The following ROBO3 variants were observed in gnomAD, a reference collection of about 807,000 sequenced individuals.
ROBO3 encodes roundabout homolog 3.
In ROBO3, 97 loss-of-function variants were observed where a neutral mutation model predicts 160.5. The observed-to-expected ratio is 0.60, with a 90% CI of 0.51 to 0.72. ROBO3 has a LOEUF of 0.72. Among genes scored for constraint, ROBO3 ranks in the 30% least tolerant of loss-of-function variants. The probability of loss-of-function intolerance (pLI) is 0.00; values close to 1 mark genes in which losing one functional copy is unlikely to be tolerated. For synonymous variants in ROBO3, 780 were observed against 746.2 expected, an observed-to-expected ratio of 1.05 and a Z score of -0.74; for missense variants, 1,858 against 1,846.5, an observed-to-expected ratio of 1.01 and a Z score of -0.11.
rs777311818 is a variant in ROBO3, at chr11:124,873,392, G to T, written c.1618+1G>T. ...TGGAGCGGCTGGCTTAAGATGCGGG[G>T]TGAGTTTTTTCTTTCTTCCCTTATT... On this transcript the variant is annotated splice_donor_variant, in intron 10 of 27. Transcript: ENST00000397801. LOFTEE classifies it high-confidence loss of function. This position sits in a 1 kb window ranked among gnomAD's most constrained non-coding sequence, Gnocchi z 4.5. The T allele has an allele frequency of 1.9e-6, 3 of 1,610,326 alleles. No individual in the cohort carries two copies. The highest frequency in any genetic ancestry group is 1.1e-5 in the South Asian group (1 of 89,976).
chr11:124,879,070 C>A (rs748753395), intron 23 of ROBO3, 120 bp from the exon 24 acceptor site: 3 of 1,206,608 alleles, frequency 2.5e-6, no homozygotes, highest in East Asian at 5.1e-5. Context: ...GGAGGACTTA[C>A]GGGCGGACGG....
Position 124,878,175 on chromosome 11 carries a change from T to C in ROBO3, c.3181+44T>C. ...AAACCCCGTTTAGCCCTGACCAGGG[T>C]ATCCCCAAAGAGGATCCTCCTCCCT... On this transcript the variant is annotated intron_variant, in intron 21 of 27. Coordinates refer to ENST00000397801, the MANE Select transcript of ROBO3 (RefSeq NM_022370.4). This position sits in a 1 kb window ranked among gnomAD's most constrained non-coding sequence, Gnocchi z 4.3. The C allele has an allele frequency of 1.3e-6, 2 of 1,572,410 alleles. No individual in the cohort carries two copies. The highest frequency in any genetic ancestry group is 2.3e-5 in the East Asian group (1 of 43,808).
In ROBO3 at chr11:124,876,097, G is replaced by A. The variant is rs779045136; in HGVS notation, c.2565G>A (p.Val855=). Residue 855 remains valine (V), a synonymous_variant, in exon 16 of 28, where the codon GTG becomes GTA. Transcript: ENST00000397801. The surrounding 1 kb of genome is among the most constrained non-coding windows in gnomAD (Gnocchi z 5.3). ...CGGCCACCAGCGCAGGCGTGGGCGT[G>A]CCCAGTGCCCCAGTGCTGGTGCAGC... is the stretch of plus-strand genomic sequence containing the variant. ...VAAATSAGVG[V]PSAPVLVQLP... 5 of 1,606,774 alleles carry A rather than the reference G, an allele frequency of 3.1e-6. No individual in the cohort carries two copies. Among genetic ancestry groups the A allele is most frequent in the Non-Finnish European group, 4.2e-6 (5 of 1,179,176 alleles).
intron 12 of ROBO3, 73 bp downstream of exon 12, chr11:124,874,309 G>A: frequency 7.2e-7 from 1 of 1,390,714 alleles, no homozygotes; most frequent in Non-Finnish European, 9.8e-7. Flanking sequence ...CCAAAACCAT[G>A]ACACCACGGC....
At position 124,878,091 on chromosome 11, in the gene ROBO3, G is replaced by A. The variant is rs748929452; in HGVS notation, c.3141G>A (p.Trp1047Ter). The A allele has an allele frequency of 6.2e-7, 1 of 1,611,738 alleles. No homozygotes were observed. The highest frequency in any genetic ancestry group is 1.1e-5 in the South Asian group (1 of 90,756). ...PQHPSGDLGP[W>*]SQYAPPEWSQ... is the part of the protein sequence containing the mutation. ...ATCCCTCAGGAGATCTGGGTCCCTGGAGCCAGTACGCTCCTCCAGAGTGGA... is the reference window on the plus strand; with the variant it reads ...ATCCCTCAGGAGATCTGGGTCCCTGAAGCCAGTACGCTCCTCCAGAGTGGA... The change falls in exon 21 of 28, where the codon TGG becomes TGA. Residue 1047 changes from tryptophan to a stop codon, truncating the protein, a stop_gained. Transcript: ENST00000397801. LOFTEE classifies it high-confidence loss of function. The surrounding 1 kb of genome is among the most constrained non-coding windows in gnomAD (Gnocchi z 4.3).
chr11:124,868,715 G>A, intron 1 of ROBO3, 87 bp from the exon 2 acceptor site: 1 of 1,328,882 alleles, frequency 7.5e-7, no homozygotes, highest in Non-Finnish European at 1.1e-6. Context: ...GAGATGGAAC[G>A]ACCAGAGGAT....
rs1368707659 is a variant in ROBO3, at chr11:124,869,543, C to T, written c.581C>T (p.Pro194Leu). Reference sequence around the variant, plus strand: ...GAATGCGTGCCCCCCCGCGGCCACCCGGAGCCTTCCGTGTCCTGGAGGAAG... The same window carrying T: ...GAATGCGTGCCCCCCCGCGGCCACCTGGAGCCTTCCGTGTCCTGGAGGAAG... ...VLECVPPRGHPEPSVSWRKDG... is the reference protein window; with the variant it reads ...VLECVPPRGHLEPSVSWRKDG... The change falls in exon 3 of 28, where the codon CCG becomes CTG. Residue 194 changes from proline (P) to leucine (L), a missense_variant. Transcript: ENST00000397801. This position sits in a 1 kb window ranked among gnomAD's most constrained non-coding sequence, Gnocchi z 4.2. 4 of 1,565,722 alleles carry T rather than the reference C, an allele frequency of 2.6e-6. No homozygotes were observed. The highest frequency in any genetic ancestry group is 3.5e-6 in the Non-Finnish European group (4 of 1,155,238).
At chr11:124,874,942 G>C in intron 13 of ROBO3, 33 bp downstream of exon 13, 1 of 1,593,852 alleles carries the variant, frequency 6.3e-7, no homozygotes, top group Non-Finnish European at 8.6e-7. Flanking sequence ...ATTCAGGGTG[G>C]GGATGATTAT....
intron 23 of ROBO3, 113 bp from the exon 24 acceptor site, chr11:124,879,077 A>G: frequency 7.9e-7 from 1 of 1,263,202 alleles, no homozygotes; most frequent in South Asian, 1.5e-5. Context: ...TTACGGGCGG[A>G]CGGGTTGTGT....
At position 124,876,366 on chromosome 11, in the gene ROBO3, G is replaced by C; in HGVS notation, c.2685G>C (p.Ala895=). The C allele has an allele frequency of 7.0e-7, 1 of 1,436,270 alleles. No homozygotes were observed. Among genetic ancestry groups the C allele is most frequent in the Non-Finnish European group, 9.1e-7 (1 of 1,103,506 alleles). The allele number at this position is 1,436,270 out of a possible 1,614,324, so 89.0% of individuals were successfully genotyped here. ...TGCTGCGGGAGCCCGCCTTCCTCGC[G>C]GGCAGCGGCGCAGCCTGCGGGGCGC... ...ARVLREPAFL[A]GSGAACGALL... The change falls in exon 17 of 28, where the codon GCG becomes GCC. Residue 895 remains alanine (A), a synonymous_variant. Transcript: ENST00000397801. The surrounding 1 kb of genome is among the most constrained non-coding windows in gnomAD (Gnocchi z 5.3).
chr11:124,865,678 A>G lies in ROBO3; in HGVS notation c.101A>G (p.Asn34Ser), dbSNP rs1415333906. The change falls in exon 1 of 28, where the codon AAC becomes AGC. Residue 34 changes from asparagine to serine, a missense_variant. Coordinates refer to ENST00000397801, the MANE Select transcript of ROBO3 (RefSeq NM_022370.4). This position sits in a 1 kb window ranked among gnomAD's most constrained non-coding sequence, Gnocchi z 5.5. ...SNSSELLLGF[N>S]SSLAALNHTL... is the part of the protein sequence containing the mutation. ...TCCAGCGAGCTGCTCTTGGGCTTCA[A>G]CTCCTCGCTGGCGGCGCTCAACCAC... 2.5e-6 allele frequency: 4 copies of G among 1,611,960 alleles called. No individual in the cohort carries two copies. Among genetic ancestry groups the G allele is most frequent in the Admixed American group, 1.7e-5 (1 of 59,822 alleles).
intron 19 of ROBO3, 87 bp downstream of exon 19, chr11:124,877,396 C>T: frequency 3.2e-6 from 5 of 1,583,114 alleles, no homozygotes; most frequent in South Asian, 1.1e-5. Context: ...GTGGAGGGAG[C>T]ATGGCCACCT....
At chr11:124,870,834 G>A (rs1031945634) in intron 6 of ROBO3, 106 bp downstream of exon 6, 2 of 1,540,048 alleles carry the variant, frequency 1.3e-6, no homozygotes, top group African/African-American at 2.7e-5. Context: ...GCATGTGGAT[G>A]GAACACCTGA....
chr11:124,879,469 A>G lies in ROBO3; in HGVS notation c.3690A>G (p.Arg1230=), dbSNP rs1946501644. The change falls in exon 25 of 28, where the codon AGA becomes AGG. Residue 1230 remains arginine (R), a synonymous_variant. Coordinates refer to ENST00000397801, the MANE Select transcript of ROBO3 (RefSeq NM_022370.4). The part of the protein sequence containing the change: ...APSTASSAPG[R]TWQGNGEMTP... ...TCCCGTCTCCTAACACTGCAGGCAG[A>G]ACCTGGCAGGGGAATGGGGAGATGA... 1.2e-6 allele frequency: 2 copies of G among 1,613,798 alleles called. No homozygotes were observed. Among genetic ancestry groups the G allele is most frequent in the East Asian group, 4.5e-5 (2 of 44,868 alleles).
In ROBO3 at chr11:124,880,557, T is replaced by TCAGGGCCGGAGC; in HGVS notation, c.4099_4100insAGGGCCGGAGCC (p.Ser1366_Arg1367insGlnGlyArgSer). ...CCCGGGGCCCTGGCCGGAGCCGGAG[T>TCAGGGCCGGAGC]CGGAGTCAGAGCCGGAGCCAGAGCC... On this transcript the variant is annotated inframe_insertion, in exon 27 of 28. Transcript: ENST00000397801. 1.2e-6 allele frequency: 1 copy of TCAGGGCCGGAGC among 800,134 alleles called. No individual in the cohort carries two copies. The highest frequency in any genetic ancestry group is 3.2e-5 in the South Asian group (1 of 31,242). 49.6% of individuals were successfully genotyped at this position (800,134 alleles called of 1,614,324 possible). A position where few individuals can be genotyped will look rare whatever the true frequency, so the allele number is the denominator to read the frequency against.
chr11:124,873,050 G>C lies in ROBO3; in HGVS notation c.1497G>C (p.Lys499Asn), dbSNP rs368125569. The C allele has an allele frequency of 6.2e-7, 1 of 1,613,852 alleles. No individual in the cohort carries two copies. Among genetic ancestry groups the C allele is most frequent in the Non-Finnish European group, 8.5e-7 (1 of 1,179,872 alleles). The change falls in exon 9 of 28, where the codon AAG becomes AAC. Residue 499 changes from lysine to asparagine, a missense_variant. By Grantham distance (94) the Lys-to-Asn change is moderately conservative. Coordinates refer to ENST00000397801, the MANE Select transcript of ROBO3 (RefSeq NM_022370.4). The surrounding 1 kb of genome is among the most constrained non-coding windows in gnomAD (Gnocchi z 4.5). The stretch of plus-strand genomic sequence containing the variant: ...TGCAGGGGGATGACCTCCAGTTCAA[G>C]ACAATGGCCAACGGTACCCTGTACA... ...QWLQGDDLQF[K>N]TMANGTLYIA...
At position 124,879,214 on chromosome 11, in the gene ROBO3, C is replaced by A; in HGVS notation, c.3558C>A (p.Ser1186=). 1 of 1,552,988 alleles carries A rather than the reference C, an allele frequency of 6.4e-7. No individual in the cohort carries two copies. Among genetic ancestry groups the A allele is most frequent in the South Asian group, 1.2e-5 (1 of 84,158 alleles). The change falls in exon 24 of 28, where the codon TCC becomes TCA. Residue 1186 remains serine, a synonymous_variant. Coordinates refer to ENST00000397801, the MANE Select transcript of ROBO3 (RefSeq NM_022370.4). ...GGAGGGTGCCCCTTGGGCCGAGTTCCCCTCTCAGTGTATCCCAGCCCATGC... is the reference window on the plus strand; with the variant it reads ...GGAGGGTGCCCCTTGGGCCGAGTTCACCTCTCAGTGTATCCCAGCCCATGC... ...MPRRVPLGPS[S]PLSVSQPMLG... is the part of the protein sequence containing the mutation.
intron 5 of ROBO3, 61 bp from the exon 6 acceptor site, chr11:124,870,540 G>A: frequency 6.2e-7 from 1 of 1,609,362 alleles, no homozygotes; most frequent in Non-Finnish European, 8.5e-7. Context: ...TGTCTGTCCT[G>A]GGGGAGAGAG....
At chr11:124,877,829 C>G (rs772588267) in intron 20 of ROBO3, 108 bp from the exon 21 acceptor site, 38 of 1,162,814 alleles carry the variant, frequency 3.3e-5, no homozygotes, top group Non-Finnish European at 4.6e-5. Context: ...GGATGTAAGG[C>G]TTGTGTGGGG....
Sources: gnomAD v4.1 joint callset for allele counts on GRCh38, gnomAD v4.1.1 for gene constraint, Gnocchi (gnomAD v3.1) non-coding constraint, MANE v1.5 for transcripts, NCBI Gene and HGNC (gene_info 2026-07-23, HGNC 2026-07-21) for gene names.